CACNA2D3: variants seen among roughly 807,000 people sequenced by gnomAD.
CACNA2D3 encodes voltage-dependent calcium channel subunit alpha-2/delta-3.
Under a neutral mutation model 160.6 loss-of-function variants are expected in CACNA2D3, and 60 were observed. That is an observed-to-expected ratio of 0.37 (90% CI 0.30 to 0.46). The LOEUF is 0.46. CACNA2D3 is among the 20% of genes least tolerant of loss of function. CACNA2D3 has a pLI of 1.00. For synonymous variants in CACNA2D3, 558 were observed against 492.9 expected, an observed-to-expected ratio of 1.13 and a Z score of -1.75; for missense variants, 1,205 against 1,365.0, an observed-to-expected ratio of 0.88 and a Z score of 1.85.
intron 35 of CACNA2D3, among the ~76,000 whole-genome samples, chr3:55,029,060 G>A (rs960873697): frequency 6.6e-6 from 1 of 152,168 alleles, no homozygotes; most frequent in Admixed American, 6.5e-5. Flanking sequence ...TCCTGTTGAG[G>A]TCTCAAGCTG....
intron 35 of CACNA2D3, among the ~76,000 whole-genome samples, chr3:55,038,321 C>T (rs970101238): frequency 2.0e-5 from 3 of 152,106 alleles, no homozygotes; most frequent in African/African-American, 4.8e-5. Flanking sequence ...ACGCAGGAGA[C>T]GCATTTTTCC....
At chr3:54,930,487 C>G (rs1387459667) in intron 27 of CACNA2D3, among the ~76,000 whole-genome samples, 2 of 152,100 alleles carry the variant, frequency 1.3e-5, no homozygotes, top group Admixed American at 1.3e-4. Flanking sequence ...TCTATAAGGC[C>G]CAGCTGGGAT....
At chr3:54,783,427 G>A (rs188628051) in intron 13 of CACNA2D3, among the ~76,000 whole-genome samples, 4 of 152,046 alleles carry the variant, frequency 2.6e-5, no homozygotes, top group African/African-American at 4.8e-5. Context: ...CCAACATGGC[G>A]AAACCCCATC....
At chr3:54,223,382 A>G (rs954290897) in intron 2 of CACNA2D3, among the ~76,000 whole-genome samples, 1 of 152,198 alleles carries the variant, frequency 6.6e-6, no homozygotes, top group African/African-American at 2.4e-5. Context: ...ATGTAAATGT[A>G]GGAAAGGTAC....
At chr3:54,140,186 C>T (rs1474450424) in intron 2 of CACNA2D3, among the ~76,000 whole-genome samples, 1 of 152,220 alleles carries the variant, frequency 6.6e-6, no homozygotes, top group East Asian at 1.9e-4. Flanking sequence ...TGAGACATCT[C>T]CTTGGGCCAG....
At chr3:54,434,762 T>C (rs1700037317) in intron 4 of CACNA2D3, among the ~76,000 whole-genome samples, 1 of 152,218 alleles carries the variant, frequency 6.6e-6, no homozygotes, top group South Asian at 2.1e-4. Context: ...CCCTTTCTTA[T>C]GCTTGTATTC....
intron 2 of CACNA2D3, among the ~76,000 whole-genome samples, chr3:54,151,042 G>A (rs1230951630): frequency 6.6e-6 from 1 of 152,014 alleles, no homozygotes; most frequent in Non-Finnish European, 1.5e-5. Context: ...TAGATGGATG[G>A]GTGAATGGAT....
intron 5 of CACNA2D3, among the ~76,000 whole-genome samples, chr3:54,533,329 T>C (rs1245127036): frequency 8.8e-6 from 1 of 113,794 alleles, no homozygotes; most frequent in African/African-American, 3.3e-5. Flanking sequence ...TTTCTTTTCT[T>C]TCCTTTTTTT....
At chr3:54,775,267 AT>A (rs1395522805) in intron 13 of CACNA2D3, among the ~76,000 whole-genome samples, 1 of 152,152 alleles carries the variant, frequency 6.6e-6, no homozygotes, top group African/African-American at 2.4e-5. Flanking sequence ...TCCGAAACCA[AT>A]CCACGCCTAA....
At chr3:54,713,438 G>C (rs1479877238) in intron 11 of CACNA2D3, among the ~76,000 whole-genome samples, 1 of 152,194 alleles carries the variant, frequency 6.6e-6, no homozygotes, top group Non-Finnish European at 1.5e-5. Context: ...GTGGCCAATA[G>C]AAAGAAGTTA....
At chr3:54,793,384 C>G (rs948188202) in intron 13 of CACNA2D3, among the ~76,000 whole-genome samples, 1 of 152,186 alleles carries the variant, frequency 6.6e-6, no homozygotes, top group African/African-American at 2.4e-5. Flanking sequence ...CAACCAACTT[C>G]TGTCTAAATG....
chr3:54,290,735 AATG>A (rs1703171908), intron 2 of CACNA2D3, among the ~76,000 whole-genome samples: 1 of 152,086 alleles, frequency 6.6e-6, no homozygotes, highest in African/African-American at 2.4e-5. Flanking sequence ...AGCCATAAAA[AATG>A]ATGAGTTCAT....
intron 11 of CACNA2D3, among the ~76,000 whole-genome samples, chr3:54,664,012 T>C (rs1700020077): frequency 6.6e-6 from 1 of 152,198 alleles, no homozygotes; most frequent in Non-Finnish European, 1.5e-5. Flanking sequence ...GCAGGCCCAG[T>C]TCTCACCAGA....
chr3:54,910,027 C>A (rs1309276908), intron 27 of CACNA2D3, among the ~76,000 whole-genome samples: 1 of 152,066 alleles, frequency 6.6e-6, no homozygotes, highest in Non-Finnish European at 1.5e-5. Context: ...GCTTTTTATT[C>A]CCAATGTCTC....
intron 10 of CACNA2D3, among the ~76,000 whole-genome samples, chr3:54,628,760 T>A (rs1189742100): frequency 6.6e-6 from 1 of 152,040 alleles, no homozygotes; most frequent in Non-Finnish European, 1.5e-5. Flanking sequence ...AATGAAGCAA[T>A]CCACAGATTA....
intron 4 of CACNA2D3, 53 bp downstream of exon 4, chr3:54,386,827 C>A: frequency 6.8e-7 from 1 of 1,471,466 alleles, no homozygotes; most frequent in Non-Finnish European, 9.3e-7. Flanking sequence ...TGCCAAAGGA[C>A]AAGTACCAGG....
Position 54,733,033 on chromosome 3 carries a change from G to A in CACNA2D3, c.1168-19566G>A, listed in dbSNP as rs117995672. On this transcript the variant is annotated intron_variant, in intron 11 of 37. Transcript: ENST00000474759. ...GGACCATCCCCACAGGTTCTCCCAC[G>A]GTAATGCTTTGGCATCTGTCCTAGC... Among the ~76,000 whole-genome samples the A allele has an allele frequency of 7.0e-4, 107 of 152,302 alleles. No individual in the cohort carries two copies. In the East Asian group the frequency reaches 0.019, roughly 27 times the overall value.
intron 2 of CACNA2D3, among the ~76,000 whole-genome samples, chr3:54,254,309 C>A (rs961007395): frequency 6.6e-5 from 10 of 152,140 alleles, no homozygotes; most frequent in African/African-American, 2.4e-4. Flanking sequence ...CATTATCTTA[C>A]AATCCAGTGC....
intron 4 of CACNA2D3, among the ~76,000 whole-genome samples, chr3:54,451,000 A>G (rs1483105974): frequency 6.6e-6 from 1 of 152,058 alleles, no homozygotes; most frequent in Non-Finnish European, 1.5e-5. Flanking sequence ...GGAAGGAATA[A>G]AAGAGTCATG....
Sources: allele counts gnomAD v4.1 joint callset (sites outside exome capture counted in the v4.1 genomes callset), GRCh38; gene constraint gnomAD v4.1.1; transcripts MANE v1.5; gene names NCBI Gene and HGNC (gene_info 2026-07-23, HGNC 2026-07-21).